The following CACNA1B variants were observed in gnomAD, a reference collection of about 807,000 sequenced individuals.
CACNA1B encodes voltage-dependent N-type calcium channel subunit alpha-1B.
Under a neutral mutation model 247.2 loss-of-function variants are expected in CACNA1B, and 70 were observed. The ratio of observed to expected loss-of-function variants is 0.28; its 90% confidence interval spans 0.23 to 0.35. CACNA1B has a LOEUF of 0.35. Ranked by LOEUF, CACNA1B falls within the 10% of genes least tolerant of loss-of-function variation. The pLI is 1.00. For synonymous variants in CACNA1B, 1,231 were observed against 1,294.4 expected (o/e 0.95, Z 1.05); for missense variants, 2,367 against 3,197.4 (o/e 0.74, Z 6.26).
chr9:138,036,234 A>T (rs760520543), intron 20 of CACNA1B, among the ~76,000 whole-genome samples: 5 of 151,594 alleles, frequency 3.3e-5, no homozygotes, highest in Admixed American at 3.3e-4. Context: ...CCGCCTCCTG[A>T]GTTCATGCCA....
At chr9:138,088,997 C>T (rs913145078) in intron 36 of CACNA1B, among the ~76,000 whole-genome samples, 1 of 118,826 alleles carries the variant, frequency 8.4e-6, no homozygotes, top group African/African-American at 3.0e-5. Context: ...AAAAAAAATC[C>T]CATCAAAGAA....
intron 6 of CACNA1B, among the ~76,000 whole-genome samples, chr9:137,930,982 A>C (rs960428154): frequency 6.6e-6 from 1 of 152,050 alleles, no homozygotes; most frequent in Non-Finnish European, 1.5e-5. Flanking sequence ...TCTCACTGTC[A>C]CCCAGGATGG....
intron 36 of CACNA1B, among the ~76,000 whole-genome samples, chr9:138,085,109 A>G (rs192394813): frequency 6.6e-6 from 1 of 151,148 alleles, no homozygotes; most frequent in Admixed American, 6.6e-5. Context: ...AAATACAGAT[A>G]GACAATGCAA....
chr9:138,115,788 C>A, intron 42 of CACNA1B, 109 bp downstream of exon 42: 1 of 1,198,454 alleles, frequency 8.3e-7, no homozygotes, highest in Non-Finnish European at 1.2e-6. Context: ...CTTCCACTGG[C>A]CTCTGGGTTC....
intron 6 of CACNA1B, among the ~76,000 whole-genome samples, chr9:137,936,227 A>G (rs1957666690): frequency 6.6e-6 from 1 of 152,138 alleles, no homozygotes; most frequent in Non-Finnish European, 1.5e-5. Context: ...TTTGATTTGC[A>G]TTTCTCTGAT....
intron 3 of CACNA1B, among the ~76,000 whole-genome samples, chr9:137,903,628 G>T (rs936508266): frequency 6.6e-6 from 1 of 152,108 alleles, no homozygotes; most frequent in Non-Finnish European, 1.5e-5. Context: ...CAATAACCCC[G>T]CTGGGATTTT....
chr9:137,900,609 C>T (rs1957225233), intron 3 of CACNA1B, among the ~76,000 whole-genome samples: 1 of 146,440 alleles, frequency 6.8e-6, no homozygotes, highest in Non-Finnish European at 1.5e-5. Context: ...TGCCGTGTGT[C>T]TCTGTGTCTG....
intron 31 of CACNA1B, among the ~76,000 whole-genome samples, chr9:138,063,206 C>A (rs568549307): frequency 5.9e-5 from 9 of 151,438 alleles, no homozygotes; most frequent in Non-Finnish European, 5.9e-5. Flanking sequence ...AGGCAGGGAA[C>A]GTCTTGGGCA....
chr9:137,902,866 G>C (rs1957254954), intron 3 of CACNA1B, among the ~76,000 whole-genome samples: 1 of 152,228 alleles, frequency 6.6e-6, no homozygotes, highest in African/African-American at 2.4e-5. Context: ...AGATGTCTCA[G>C]CATCTGATGT....
chr9:138,080,947 A>G (rs900077580), intron 36 of CACNA1B, among the ~76,000 whole-genome samples: 2 of 152,228 alleles, frequency 1.3e-5, no homozygotes, highest in African/African-American at 4.8e-5. Context: ...GTGTTTCACT[A>G]CTTGCTAGAA....
intron 3 of CACNA1B, among the ~76,000 whole-genome samples, chr9:137,912,617 G>A (rs965187268): frequency 6.6e-6 from 1 of 152,140 alleles, no homozygotes; most frequent in Non-Finnish European, 1.5e-5. Context: ...ACTGGGATAT[G>A]TTTTTTTGCT....
chr9:137,885,261 G>T (rs4876908), intron 3 of CACNA1B, among the ~76,000 whole-genome samples: 1 of 151,834 alleles, frequency 6.6e-6, no homozygotes, highest in Non-Finnish European at 1.5e-5. Context: ...TCCAAGTCAC[G>T]GGAGGGAGCC....
At chr9:138,069,817 C>T (rs1960056677) in intron 32 of CACNA1B, 54 bp downstream of exon 32, 2 of 1,549,644 alleles carry the variant, frequency 1.3e-6, no homozygotes, top group African/African-American at 2.7e-5. Flanking sequence ...GCTCGCTCTG[C>T]TCCTCTCCTG....
chr9:137,944,745 G>C (rs1053567054), intron 6 of CACNA1B, among the ~76,000 whole-genome samples: 3 of 152,168 alleles, frequency 2.0e-5, no homozygotes, highest in Non-Finnish European at 4.4e-5. Context: ...ACTAGGACTG[G>C]CCCCTCAGCT....
Position 137,985,979 on chromosome 9 carries a change from G to A in CACNA1B, c.1770-434G>A, listed in dbSNP as rs190804405. On this transcript the variant is annotated intron_variant, in intron 13 of 46. Transcript: ENST00000371372. ...CGCTTGCAGATCTGCTGTAGGTTCC[G>A]GTGTAGCTCTTCCTGCTGTGGGCTG... 1.2e-3 allele frequency among the ~76,000 whole-genome samples: 184 copies of A among 152,366 alleles called. 2 individuals are homozygous for A. Among genetic ancestry groups the A allele is most frequent in the African/African-American group, 4.3e-3 (178 of 41,592 alleles).
intron 37 of CACNA1B, among the ~76,000 whole-genome samples, chr9:138,099,459 G>T (rs1961174913): frequency 6.6e-6 from 1 of 152,200 alleles, no homozygotes; most frequent in Admixed American, 6.5e-5. Flanking sequence ...ATGTGTGCAT[G>T]TGTGTGCCTG....
intron 3 of CACNA1B, among the ~76,000 whole-genome samples, chr9:137,895,558 C>CCCTAAAT (rs1957163221): frequency 6.6e-6 from 1 of 152,174 alleles, no homozygotes; most frequent in African/African-American, 2.4e-5. Context: ...AAGTCCTGTA[C>CCCTAAAT]ATGTTTTGTT....
At chr9:138,029,878 G>A (rs953354032) in intron 20 of CACNA1B, among the ~76,000 whole-genome samples, 1 of 152,120 alleles carries the variant, frequency 6.6e-6, no homozygotes, top group Non-Finnish European at 1.5e-5. Flanking sequence ...GCCTCCCGAA[G>A]TGTTGGGATT....
At position 137,903,335 on chromosome 9, in the gene CACNA1B, G is replaced by A. The variant is rs148102530; in HGVS notation, c.531-9845G>A. Reference sequence around the variant, plus strand: ...CAGGAGGTGGAGGTTGCAGTGAGCCGAGATTGAGCCACTGCACTCCAGCCT... The same window carrying A: ...CAGGAGGTGGAGGTTGCAGTGAGCCAAGATTGAGCCACTGCACTCCAGCCT... On this transcript the variant is annotated intron_variant, in intron 3 of 46. Transcript: ENST00000371372. 2.6e-5 allele frequency among the ~76,000 whole-genome samples: 4 copies of A among 152,282 alleles called. No homozygotes were observed. The East Asian group carries it at 5.8e-4, about 22-fold the overall frequency.
Sources: allele counts gnomAD v4.1 joint callset (sites outside exome capture counted in the v4.1 genomes callset), GRCh38; gene constraint gnomAD v4.1.1; transcripts MANE v1.5; gene names NCBI Gene and HGNC (gene_info 2026-07-23, HGNC 2026-07-21).